The following GALNT2 variants were observed in gnomAD, a reference collection of about 807,000 sequenced individuals.
GALNT2 encodes the protein UDP-GalNAc:polypeptide N-acetylgalactosaminyltransferase 2.
A neutral mutation model predicts 81.4 loss-of-function variants in GALNT2; 31 were observed. The observed-to-expected ratio is 0.38, with a 90% confidence interval of 0.29 to 0.51. GALNT2 has a LOEUF of 0.51. Among genes scored for constraint, GALNT2 ranks in the 20% least tolerant of loss-of-function variants. The pLI, the probability that GALNT2 is intolerant of heterozygous loss-of-function variation, is 0.87. For synonymous variants in GALNT2, 303 were observed against 287.4 expected (o/e 1.05, Z -0.55); for missense variants, 629 against 765.7 (o/e 0.82, Z 2.11).
At chr1:230,132,811 G>T (rs978195152) in intron 1 of GALNT2, among the ~76,000 whole-genome samples, 8 of 152,174 alleles carry the variant, frequency 5.3e-5, no homozygotes, top group Admixed American at 2.0e-4. Flanking sequence ...AGTGTCTATT[G>T]TGCTGTGTTC....
Position 230,279,373 on chromosome 1 carries a change from C to T in GALNT2, c.1631C>T (p.Thr544Met), listed in dbSNP as rs763304846. 32 of 1,614,036 alleles carry T rather than the reference C, an allele frequency of 2.0e-5. No homozygotes were observed. The highest frequency in any genetic ancestry group is 1.6e-4 in the Middle Eastern group (1 of 6,084). Residue 544 changes from threonine (T) to methionine (M), a missense_variant, in exon 16 of 16, where the codon ACG becomes ATG. Transcript: ENST00000366672. This position sits in a 1 kb window ranked among gnomAD's most constrained non-coding sequence, Gnocchi z 4.6. ...VGSNLCLDSR[T>M]AKSGGLSVEV... ...AGCAACCTGTGCCTGGACAGTCGCA[C>T]GGCCAAGAGCGGGGGCCTAAGCGTG... is the stretch of plus-strand genomic sequence containing the variant.
intron 3 of GALNT2, among the ~76,000 whole-genome samples, chr1:230,224,893 G>A (rs546665532): frequency 5.3e-5 from 8 of 152,248 alleles, no homozygotes; most frequent in Non-Finnish European, 1.2e-4. Context: ...CCTATACGTT[G>A]CAGAATGCAG....
rs181426874 is a variant in GALNT2 at position 230,161,052 on chromosome 1, C to T, written c.127-17166C>T. 1.2e-4 allele frequency among the ~76,000 whole-genome samples: 18 copies of T among 152,282 alleles called. No homozygotes were observed. In the East Asian group the frequency reaches 3.5e-3, roughly 30 times the overall value. On this transcript the variant is annotated intron_variant, in intron 1 of 15. Coordinates refer to ENST00000366672, the MANE Select transcript of GALNT2 (RefSeq NM_004481.5). ...GTATTATTTCACTCTGCATTCATGT[C>T]TCAGTTACCTTTGATCCCTAGCAAA... is the stretch of plus-strand genomic sequence containing the variant.
chr1:230,259,331 A>G (rs888743799), intron 11 of GALNT2: 2 of 152,232 alleles, frequency 1.3e-5, no homozygotes, highest in Admixed American at 1.3e-4. Flanking sequence ...CCTTATACAC[A>G]TAGCCTGAAG....
rs184977778 is a variant in GALNT2 at position 230,152,478 on chromosome 1, A to G, written c.127-25740A>G. Among the ~76,000 whole-genome samples the G allele has an allele frequency of 1.6e-3, 245 of 152,368 alleles. 1 individual carries two copies. The highest frequency in any genetic ancestry group is 5.6e-3 in the African/African-American group (233 of 41,590). On this transcript the variant is annotated intron_variant, in intron 1 of 15. Transcript: ENST00000366672. ...AATTAAATAGAAAATACTGGAGCAC[A>G]TCATACATGTAAGAGTAGGTACCCT...
At chr1:230,061,785 T>C (rs571622005) in intron 1 of GALNT2, among the ~76,000 whole-genome samples, 1 of 152,352 alleles carries the variant, frequency 6.6e-6, no homozygotes, top group Non-Finnish European at 1.5e-5. Flanking sequence ...TGTGAGTGTG[T>C]ATGTGTGTTT....
intron 14 of GALNT2, among the ~76,000 whole-genome samples, chr1:230,269,149 T>TC: frequency 6.6e-6 from 1 of 151,056 alleles, no homozygotes; most frequent in East Asian, 1.9e-4. Flanking sequence ...TTTTTTTCTT[T>TC]TTTTTTTTTT....
chr1:230,090,152 G>C (rs1350721635), intron 1 of GALNT2, among the ~76,000 whole-genome samples: 1 of 152,136 alleles, frequency 6.6e-6, no homozygotes, highest in Non-Finnish European at 1.5e-5. Context: ...GGGAAAGTTT[G>C]ACCCCATATG....
At chr1:230,151,649 A>G (rs1662097618) in intron 1 of GALNT2, among the ~76,000 whole-genome samples, 1 of 152,198 alleles carries the variant, frequency 6.6e-6, no homozygotes, top group African/African-American at 2.4e-5. Flanking sequence ...AGAGCTCCTC[A>G]GTTCATTGAT....
At chr1:230,075,809 C>T (rs1262671307) in intron 1 of GALNT2, among the ~76,000 whole-genome samples, 1 of 152,036 alleles carries the variant, frequency 6.6e-6, no homozygotes, top group African/African-American at 2.4e-5. Flanking sequence ...AGGATAGTTG[C>T]AGTATTAAAG....
At chr1:230,237,862 AGTG>A (rs922297680) in intron 6 of GALNT2, among the ~76,000 whole-genome samples, 2 of 151,850 alleles carry the variant, frequency 1.3e-5, no homozygotes, top group African/African-American at 4.8e-5. Context: ...AAAAAAGAGA[AGTG>A]GGGAAGGAGG....
intron 1 of GALNT2, among the ~76,000 whole-genome samples, chr1:230,059,182 A>G (rs950948284): frequency 6.6e-6 from 1 of 152,228 alleles, no homozygotes; most frequent in African/African-American, 2.4e-5. Context: ...ATTAAATTGT[A>G]CAGGGCTCCC....
intron 11 of GALNT2, among the ~76,000 whole-genome samples, chr1:230,261,179 T>C (rs1483487914): frequency 6.6e-6 from 1 of 152,072 alleles, no homozygotes; most frequent in Admixed American, 6.6e-5. Context: ...TGAGATAAAT[T>C]TCTAGAAGTA....
intron 1 of GALNT2, among the ~76,000 whole-genome samples, chr1:230,074,097 GC>G (rs1237277710): frequency 2.4e-4 from 12 of 50,150 alleles, no homozygotes; most frequent in East Asian, 8.6e-4. Context: ...TTTTTGGCTG[GC>G]TTTTTTTTTT....
chr1:230,185,282 G>A (rs1278372572), intron 2 of GALNT2, among the ~76,000 whole-genome samples: 2 of 110,430 alleles, frequency 1.8e-5, no homozygotes, highest in African/African-American at 3.5e-5. Context: ...GCGTGTGTGT[G>A]TGTGTGTGTG....
At chr1:230,102,966 A>T (rs1482420147) in intron 1 of GALNT2, among the ~76,000 whole-genome samples, 4 of 152,194 alleles carry the variant, frequency 2.6e-5, no homozygotes, top group Non-Finnish European at 1.5e-5. Flanking sequence ...TGTGACCAGT[A>T]GTGACATTTT....
chr1:230,235,132 T>G (rs926250992), intron 3 of GALNT2, among the ~76,000 whole-genome samples: 29 of 148,282 alleles, frequency 2.0e-4, no homozygotes, highest in African/African-American at 7.0e-4. Context: ...GAGCATCACT[T>G]GAGCCCAGGA....
At chr1:230,072,638 G>A (rs1409525531) in intron 1 of GALNT2, among the ~76,000 whole-genome samples, 3 of 152,182 alleles carry the variant, frequency 2.0e-5, no homozygotes, top group Non-Finnish European at 4.4e-5. Flanking sequence ...CAAGTCAGTG[G>A]ATATCCAGAT....
At chr1:230,082,331 G>A (rs989276670) in intron 1 of GALNT2, among the ~76,000 whole-genome samples, 17 of 152,232 alleles carry the variant, frequency 1.1e-4, no homozygotes, top group Non-Finnish European at 1.5e-4. Flanking sequence ...CAGGGGCACC[G>A]TAGAACAAAG....
Sources: allele counts gnomAD v4.1 joint callset (sites outside exome capture counted in the v4.1 genomes callset), GRCh38; gene constraint gnomAD v4.1.1; non-coding constraint Gnocchi (gnomAD v3.1); transcripts MANE v1.5; gene names NCBI Gene and HGNC (gene_info 2026-07-23, HGNC 2026-07-21).